The following GTF2IRD1 variants were observed in gnomAD, a reference collection of about 807,000 sequenced individuals.
The protein encoded by GTF2IRD1 is GTF2I repeat domain containing 1.
GTF2IRD1 carries 26 observed loss-of-function variants against 113.2 expected under a neutral mutation model. That is an observed-to-expected ratio of 0.23 (90% confidence interval 0.17 to 0.32). The LOEUF is 0.32. GTF2IRD1 is among the 10% of genes least tolerant of loss of function. GTF2IRD1 has a pLI of 1.00. For missense variants in GTF2IRD1, 864 were observed against 1,280.8 expected, an observed-to-expected ratio of 0.67 and a Z score of 4.97; for synonymous variants, 484 against 529.1, an observed-to-expected ratio of 0.91 and a Z score of 1.17.
At chr7:74,542,872 A>C (rs1394957718) in intron 14 of GTF2IRD1, among the ~76,000 whole-genome samples, 1 of 152,246 alleles carries the variant, frequency 6.6e-6, no homozygotes, top group African/African-American at 2.4e-5. Context: ...TGAGCACAGC[A>C]TCATTGCTGT....
intron 20 of GTF2IRD1, among the ~76,000 whole-genome samples, chr7:74,558,627 A>G (rs587642973): frequency 1.5e-3 from 221 of 152,104 alleles, no homozygotes; most frequent in African/African-American, 5.2e-3. Context: ...TGGTTCCCCA[A>G]AATGCTGGGA....
chr7:74,518,864 GGC>G (rs1203807851), intron 5 of GTF2IRD1, among the ~76,000 whole-genome samples: 1 of 152,112 alleles, frequency 6.6e-6, no homozygotes, highest in Non-Finnish European at 1.5e-5. Context: ...CTCCAGCATG[GGC>G]AACAGAGCAA....
chr7:74,493,334 A>ACT (rs1383183627), intron 1 of GTF2IRD1, among the ~76,000 whole-genome samples: 1 of 145,852 alleles, frequency 6.9e-6, no homozygotes, highest in African/African-American at 2.6e-5. Context: ...CTGGTCTCAA[A>ACT]CTCCTGGGCT....
chr7:74,551,747 C>T (rs1178075755), intron 17 of GTF2IRD1, among the ~76,000 whole-genome samples: 1 of 151,798 alleles, frequency 6.6e-6, no homozygotes, highest in African/African-American at 2.4e-5. Flanking sequence ...ACCAGCCTGA[C>T]CAACATAGTG....
chr7:74,532,948 T>C (rs1301766828), intron 9 of GTF2IRD1, among the ~76,000 whole-genome samples: 2 of 151,840 alleles, frequency 1.3e-5, no homozygotes, highest in Non-Finnish European at 2.9e-5. Flanking sequence ...TGTACCTCCA[T>C]AATCAGCTGC....
intron 24 of GTF2IRD1, among the ~76,000 whole-genome samples, chr7:74,592,242 G>A (rs1464961509): frequency 2.0e-5 from 3 of 151,854 alleles, no homozygotes; most frequent in Admixed American, 6.6e-5. Context: ...TGGCACTACA[G>A]GCACACGCTA....
At chr7:74,580,082 G>A (rs1554365698) in intron 22 of GTF2IRD1, among the ~76,000 whole-genome samples, 1 of 152,150 alleles carries the variant, frequency 6.6e-6, no homozygotes, top group African/African-American at 2.4e-5. Context: ...TCCATGAAAT[G>A]GAGCTGATGG....
chr7:74,483,748 G>A (rs569511625), intron 1 of GTF2IRD1, among the ~76,000 whole-genome samples: 1 of 152,008 alleles, frequency 6.6e-6, no homozygotes, highest in Admixed American at 6.6e-5. Context: ...GGAGCTACTC[G>A]GGAGGCTGAG....
At chr7:74,537,073 T>G (rs1368834640) in intron 11 of GTF2IRD1, among the ~76,000 whole-genome samples, 2 of 152,136 alleles carry the variant, frequency 1.3e-5, no homozygotes, top group African/African-American at 4.8e-5. Flanking sequence ...ATCGCACCAC[T>G]GCACTCCAGC....
intron 6 of GTF2IRD1, among the ~76,000 whole-genome samples, 195 bp from the exon 7 acceptor site, chr7:74,521,013 G>T (rs1274657652): frequency 1.3e-5 from 2 of 151,966 alleles, no homozygotes; most frequent in African/African-American, 4.8e-5. Flanking sequence ...CTTTCGGCTA[G>T]CAGATTCTGG....
chr7:74,496,066 G>A (rs1410017082), intron 1 of GTF2IRD1, among the ~76,000 whole-genome samples: 2 of 152,092 alleles, frequency 1.3e-5, no homozygotes, highest in African/African-American at 2.4e-5. Flanking sequence ...GTCTGTATGT[G>A]TGGACATGCA....
chr7:74,557,776 G>A lies in GTF2IRD1; in HGVS notation c.2107+54G>A, dbSNP rs587640327. ...ACACGCAGCTGCTGTGCACAGAGAA[G>A]TGGGAGGCTTCCCAGTTCCAGCCGA... On this transcript the variant is annotated intron_variant, in intron 20 of 26. Coordinates refer to ENST00000424337, the MANE Select transcript of GTF2IRD1 (RefSeq NM_005685.4). 4 of 1,112,954 alleles carry A rather than the reference G, an allele frequency of 3.6e-6. No individual in the cohort carries two copies. In the African/African-American group the frequency reaches 6.2e-5, roughly 17 times the overall value. The allele number at this position is 1,112,954 out of a possible 1,614,324, so 68.9% of individuals were successfully genotyped here.
chr7:74,530,489 T>C lies in GTF2IRD1; in HGVS notation c.1274+572T>C, dbSNP rs902360875. Among the ~76,000 whole-genome samples, 3 of 146,574 alleles carry C rather than the reference T, an allele frequency of 2.0e-5. No individual in the cohort carries two copies. In the Admixed American group the frequency reaches 2.1e-4, roughly 10 times the overall value. On this transcript the variant is annotated intron_variant, in intron 9 of 26. Coordinates refer to ENST00000424337, the MANE Select transcript of GTF2IRD1 (RefSeq NM_005685.4). ...CGGTGTCTGGCCTAATCAGGCACTT[T>C]GTAATTTTTTTTTTTTTTTTTTTTT... is the stretch of plus-strand genomic sequence containing the variant.
chr7:74,593,935 C>T (rs762655705), intron 24 of GTF2IRD1, among the ~76,000 whole-genome samples: 9 of 150,924 alleles, frequency 6.0e-5, no homozygotes, highest in African/African-American at 1.2e-4. Context: ...CGTGGTGGCT[C>T]GCGCTTGTAA....
At chr7:74,542,354 C>CCA (rs1461731296) in intron 14 of GTF2IRD1, among the ~76,000 whole-genome samples, 1 of 152,072 alleles carries the variant, frequency 6.6e-6, no homozygotes, top group Non-Finnish European at 1.5e-5. Context: ...CGAGATCACG[C>CCA]CACTGCACTC....
At chr7:74,594,943 C>A in intron 24 of GTF2IRD1, 71 bp from the exon 25 acceptor site, 1 of 1,087,396 alleles carries the variant, frequency 9.2e-7, no homozygotes, top group Non-Finnish European at 1.4e-6. Context: ...CCGAGTGAGA[C>A]TCCATCTCAA....
intron 22 of GTF2IRD1, among the ~76,000 whole-genome samples, chr7:74,577,236 G>T (rs782079083): frequency 6.6e-6 from 1 of 152,052 alleles, no homozygotes; most frequent in African/African-American, 2.4e-5. Context: ...ACGGGATTTC[G>T]CCATGTTGGC....
At chr7:74,553,502 G>T (rs1345764363) in intron 17 of GTF2IRD1, among the ~76,000 whole-genome samples, 21 of 151,022 alleles carry the variant, frequency 1.4e-4, no homozygotes, top group African/African-American at 5.1e-4. Context: ...TGCCCAAGCT[G>T]GTCTCCAACT....
At chr7:74,567,507 T>G (rs1287556202) in intron 22 of GTF2IRD1, among the ~76,000 whole-genome samples, 1 of 151,852 alleles carries the variant, frequency 6.6e-6, no homozygotes, top group East Asian at 1.9e-4. Context: ...CAGAGCAATT[T>G]TGGGGGAAGT....
Sources: gnomAD v4.1 joint callset for allele counts (sites outside exome capture counted in the v4.1 genomes callset) on GRCh38, gnomAD v4.1.1 for gene constraint, MANE v1.5 for transcripts, NCBI Gene and HGNC (gene_info 2026-07-23, HGNC 2026-07-21) for gene names.